Variants in TPD52L1 observed in about 807,000 individuals in gnomAD.
TPD52L1 encodes the protein tumor protein D53.
In TPD52L1, 18 loss-of-function variants were observed where a neutral mutation model predicts 28.7. The ratio of observed to expected loss-of-function variants is 0.63; its 90% CI spans 0.43 to 0.93. The LOEUF (loss-of-function observed/expected upper bound fraction) is 0.93, where lower values mean the gene tolerates loss of function less well. Ranked by LOEUF, TPD52L1 falls within the 40% of genes least tolerant of loss-of-function variation. The pLI is 0.00. For missense variants in TPD52L1, 203 were observed against 254.8 expected, an observed-to-expected ratio of 0.80 and a Z score of 1.39; for synonymous variants, 75 against 88.8, an observed-to-expected ratio of 0.84 and a Z score of 0.88.
At chr6:125,230,826 A>G (rs1407008449) in intron 3 of TPD52L1, among the ~76,000 whole-genome samples, 1 of 152,228 alleles carries the variant, frequency 6.6e-6, no homozygotes, top group African/African-American at 2.4e-5. Flanking sequence ...AGAGTCAGGC[A>G]GAATGTAGCC....
chr6:125,203,950 A>G (rs1306889606), intron 1 of TPD52L1, among the ~76,000 whole-genome samples: 1 of 152,234 alleles, frequency 6.6e-6, no homozygotes, highest in Non-Finnish European at 1.5e-5. Flanking sequence ...ATTAAGGTGG[A>G]GCTTAGAACA....
At chr6:125,230,038 G>A (rs1582975847) in intron 3 of TPD52L1, among the ~76,000 whole-genome samples, 1 of 152,094 alleles carries the variant, frequency 6.6e-6, no homozygotes, top group East Asian at 1.9e-4. Context: ...AATGAGTCGA[G>A]ATGGCGCCAC....
Position 125,186,998 on chromosome 6 carries a change from G to GA in TPD52L1, c.19+33034dup, listed in dbSNP as rs556595150. Among the ~76,000 whole-genome samples the GA allele has an allele frequency of 3.9e-5, 6 of 152,088 alleles. No homozygotes were observed. In the East Asian group the frequency reaches 9.7e-4, roughly 24 times the overall value. ...TTATGAAAATGTTAAATATTTGCAA[G>GA]AAAAAATATATCATCAAATTTAATA... On this transcript the variant is annotated intron_variant, in intron 1 of 6. Coordinates refer to ENST00000534000, the MANE Select transcript of TPD52L1 (RefSeq NM_003287.4).
intron 1 of TPD52L1, among the ~76,000 whole-genome samples, chr6:125,206,706 G>A (rs560824356): frequency 6.6e-6 from 1 of 152,332 alleles, no homozygotes; most frequent in East Asian, 1.9e-4. Context: ...TACGCCAGAA[G>A]CAATGGAGAA....
chr6:125,174,640 T>G (rs1467840163), intron 1 of TPD52L1, among the ~76,000 whole-genome samples: 1 of 152,238 alleles, frequency 6.6e-6, no homozygotes, highest in African/African-American at 2.4e-5. Context: ...AAAGCAATGT[T>G]CATTGTTTGG....
chr6:125,229,246 T>G lies in TPD52L1; in HGVS notation c.264T>G (p.His88Gln). 6.2e-7 allele frequency: 1 copy of G among 1,613,354 alleles called. No individual in the cohort carries two copies. The highest frequency in any genetic ancestry group is 2.2e-5 in the East Asian group (1 of 44,812). Residue 88 changes from histidine to glutamine, a missense_variant, in exon 3 of 7, where the codon CAT becomes CAG. Transcript: ENST00000534000. ...AACAGAACTTCAGCAAAAGCTGGCATGACATGCAGACTACCACTGCGTAAG... is the reference window on the plus strand; with the variant it reads ...AACAGAACTTCAGCAAAAGCTGGCAGGACATGCAGACTACCACTGCGTAAG... Reference protein sequence around the residue: ...ELKQNFSKSWHDMQTTTAYKK... With the variant: ...ELKQNFSKSWQDMQTTTAYKK...
Position 125,262,748 on chromosome 6 carries a change from G to A in TPD52L1, c.487-86G>A. On this transcript the variant is annotated intron_variant, in intron 6 of 6. Coordinates refer to ENST00000534000, the MANE Select transcript of TPD52L1 (RefSeq NM_003287.4). ...ATAGAAAGTATTTCTGAATTTGAAA[G>A]TAATCCAGCTTTTGGTATTCTTATA... 2.7e-6 allele frequency: 4 copies of A among 1,490,590 alleles called. No individual in the cohort carries two copies. The South Asian group carries it at 5.4e-5, about 20-fold the overall frequency. 92.3% of individuals were successfully genotyped at this position (1,490,590 alleles called of 1,614,324 possible).
intron 3 of TPD52L1, among the ~76,000 whole-genome samples, chr6:125,233,008 T>G (rs73771295): frequency 0.015 from 2,302 of 152,192 alleles, 54 homozygotes; most frequent in African/African-American, 0.053. Flanking sequence ...ATCTCTTCTG[T>G]AGGCAGAAGT....
At chr6:125,155,478 G>T (rs1332961695) in intron 1 of TPD52L1, among the ~76,000 whole-genome samples, 1 of 152,206 alleles carries the variant, frequency 6.6e-6, no homozygotes, top group Non-Finnish European at 1.5e-5. Flanking sequence ...AACCACTGGT[G>T]TCACTGGTTT....
chr6:125,192,564 T>C (rs1035408869), intron 1 of TPD52L1, among the ~76,000 whole-genome samples: 2 of 148,814 alleles, frequency 1.3e-5, no homozygotes, highest in African/African-American at 4.8e-5. Flanking sequence ...AAGTAGCACC[T>C]TAACAGAGAG....
At chr6:125,182,602 A>AC (rs1388922701) in intron 1 of TPD52L1, among the ~76,000 whole-genome samples, 1 of 152,094 alleles carries the variant, frequency 6.6e-6, no homozygotes, top group African/African-American at 2.4e-5. Context: ...AAAAAAGGGG[A>AC]CATTTAGTTA....
chr6:125,232,097 T>G (rs1466235724), intron 3 of TPD52L1, among the ~76,000 whole-genome samples: 1 of 152,150 alleles, frequency 6.6e-6, no homozygotes, highest in Non-Finnish European at 1.5e-5. Context: ...TGTAAAAGTT[T>G]AAGGCAGAGA....
chr6:125,155,237 A>G (rs1166177111), intron 1 of TPD52L1, among the ~76,000 whole-genome samples: 1 of 152,248 alleles, frequency 6.6e-6, no homozygotes, highest in Non-Finnish European at 1.5e-5. Context: ...TTCACGCCAG[A>G]ACTGAAGCTG....
At chr6:125,211,492 C>A (rs969218026) in intron 1 of TPD52L1, among the ~76,000 whole-genome samples, 1 of 152,102 alleles carries the variant, frequency 6.6e-6, no homozygotes, top group Non-Finnish European at 1.5e-5. Flanking sequence ...GAGAAATGTG[C>A]CCGAATGTTG....
chr6:125,172,185 C>CTT (rs1791441545), intron 1 of TPD52L1, among the ~76,000 whole-genome samples: 1 of 113,186 alleles, frequency 8.8e-6, no homozygotes, highest in East Asian at 3.0e-4. Context: ...TTCTTTCTTT[C>CTT]TTTCTTTCTT....
At chr6:125,232,264 T>A (rs1269441753) in intron 3 of TPD52L1, among the ~76,000 whole-genome samples, 1 of 152,180 alleles carries the variant, frequency 6.6e-6, no homozygotes, top group African/African-American at 2.4e-5. Flanking sequence ...CCAGTCCCTC[T>A]CTTTAGGAGG....
At chr6:125,173,383 G>T (rs1035796107) in intron 1 of TPD52L1, among the ~76,000 whole-genome samples, 8 of 152,170 alleles carry the variant, frequency 5.3e-5, no homozygotes, top group African/African-American at 1.9e-4. Context: ...TTTTGTCTGG[G>T]TAATTGTTTT....
At chr6:125,208,529 C>CTT (rs370435480) in intron 1 of TPD52L1, among the ~76,000 whole-genome samples, 4 of 148,048 alleles carry the variant, frequency 2.7e-5, no homozygotes, top group African/African-American at 9.9e-5. Flanking sequence ...CAACTAATGC[C>CTT]TTTTTTTTTT....
chr6:125,220,243 G>C, intron 2 of TPD52L1, 50 bp downstream of exon 2: 1 of 1,166,066 alleles, frequency 8.6e-7, no homozygotes, highest in Non-Finnish European at 1.3e-6. Flanking sequence ...GATCTTAAGA[G>C]TTATTATTAG....
Sources: gnomAD v4.1 joint callset for allele counts (sites outside exome capture counted in the v4.1 genomes callset) on GRCh38, gnomAD v4.1.1 for gene constraint, MANE v1.5 for transcripts, NCBI Gene and HGNC (gene_info 2026-07-23, HGNC 2026-07-21) for gene names.